FBLN1: variants seen among roughly 807,000 people sequenced by gnomAD.
FBLN1 encodes fibulin-1.
Under a neutral mutation model 89.7 loss-of-function variants are expected in FBLN1, and 34 were observed. The ratio of observed to expected loss-of-function variants is 0.38; its 90% CI spans 0.29 to 0.50. The LOEUF (loss-of-function observed/expected upper bound fraction) is 0.50, where lower values mean the gene tolerates loss of function less well. Ranked by LOEUF, FBLN1 falls within the 20% of genes least tolerant of loss-of-function variation. FBLN1 has a pLI of 0.92. For synonymous variants in FBLN1, 393 were observed against 391.3 expected, an observed-to-expected ratio of 1.00 and a Z score of -0.05; for missense variants, 777 against 988.1, an observed-to-expected ratio of 0.79 and a Z score of 2.86.
chr22:45,559,520 C>A (rs1405552868), intron 14 of FBLN1, among the ~76,000 whole-genome samples: 1 of 152,182 alleles, frequency 6.6e-6, no homozygotes, highest in Non-Finnish European at 1.5e-5. Flanking sequence ...AGTCAGGGAG[C>A]CAGTGTGGGG....
chr22:45,555,291 A>ATAT (rs1569254424), intron 14 of FBLN1, among the ~76,000 whole-genome samples: 1 of 144,152 alleles, frequency 6.9e-6, no homozygotes, highest in Admixed American at 7.0e-5. Flanking sequence ...ATATATATAT[A>ATAT]AAATGGAATA....
intron 2 of FBLN1, among the ~76,000 whole-genome samples, chr22:45,524,727 T>G (rs988124451): frequency 6.6e-6 from 1 of 151,788 alleles, no homozygotes; most frequent in Non-Finnish European, 1.5e-5. Flanking sequence ...GCGGCCACTC[T>G]GGTGACAAAA....
chr22:45,543,613 T>G (rs934631524), intron 11 of FBLN1, 87 bp downstream of exon 11: 57 of 1,493,048 alleles, frequency 3.8e-5, no homozygotes, highest in Non-Finnish European at 5.0e-5. Context: ...TTGCAGCAGA[T>G]CCGCGATGGT....
chr22:45,512,666 G>T (rs923816561), intron 1 of FBLN1, among the ~76,000 whole-genome samples: 3 of 152,210 alleles, frequency 2.0e-5, no homozygotes, highest in Non-Finnish European at 2.9e-5. Flanking sequence ...GCACAGCCAG[G>T]GTGGGGCTGG....
intron 16 of FBLN1, among the ~76,000 whole-genome samples, chr22:45,585,376 T>C (rs951635721): frequency 6.6e-6 from 1 of 152,186 alleles, no homozygotes; most frequent in African/African-American, 2.4e-5. Context: ...CTCGTTAAAA[T>C]TATTACCTCT....
At chr22:45,558,004 G>A (rs1232333901) in intron 14 of FBLN1, 4 of 712,068 alleles carry the variant, frequency 5.6e-6, no homozygotes, top group African/African-American at 3.5e-5. Flanking sequence ...GTCCACTTTC[G>A]GGTGGTGCCT....
chr22:45,503,082 C>A lies in FBLN1; in HGVS notation c.79+18C>A. ...GGCCGGAGGTAGGGGCGTCCCGGGT[C>A]CGCCGCCCCAGCTTAGGGTCCCGAC... On this transcript the variant is annotated intron_variant, in intron 1 of 16. Coordinates refer to ENST00000327858, the MANE Select transcript of FBLN1 (RefSeq NM_006486.3). The A allele has an allele frequency of 1.6e-6, 2 of 1,232,128 alleles. No homozygotes were observed. The highest frequency in any genetic ancestry group is 3.6e-5 in the South Asian group (1 of 27,534). The allele number at this position is 1,232,128 out of a possible 1,614,324, so 76.3% of individuals were successfully genotyped here.
At chr22:45,565,074 T>C in intron 14 of FBLN1, 1 of 1,595,428 alleles carries the variant, frequency 6.3e-7, no homozygotes, top group Non-Finnish European at 8.5e-7. Flanking sequence ...GCATGAGCCC[T>C]TTTCCCCACG....
chr22:45,566,487 C>T (rs1368290956), intron 14 of FBLN1, among the ~76,000 whole-genome samples: 2 of 152,332 alleles, frequency 1.3e-5, no homozygotes, highest in Admixed American at 6.5e-5. Flanking sequence ...TGACAGAGGA[C>T]ACCATGCAGG....
intron 2 of FBLN1, among the ~76,000 whole-genome samples, chr22:45,523,461 G>A (rs917549423): frequency 4.6e-5 from 7 of 152,196 alleles, no homozygotes; most frequent in African/African-American, 1.4e-4. Flanking sequence ...CCACCACTTC[G>A]GGAGGCTGAG....
intron 11 of FBLN1, among the ~76,000 whole-genome samples, chr22:45,544,224 T>C (rs985867075): frequency 6.6e-6 from 1 of 152,148 alleles, no homozygotes; most frequent in Non-Finnish European, 1.5e-5. Context: ...ATAGCTGGGA[T>C]TACAGGTGCA....
At position 45,580,927 on chromosome 22, in the gene FBLN1, C is replaced by A. The variant is rs2089036981; in HGVS notation, c.1972+3819C>A. On this transcript the variant is annotated intron_variant, in intron 16 of 16. Coordinates refer to ENST00000327858, the MANE Select transcript of FBLN1 (RefSeq NM_006486.3). This position sits in a 1 kb window ranked among gnomAD's most constrained non-coding sequence, Gnocchi z 8.6. ...GCCCGCGCCGTCGTCTTTGTAAAGC[C>A]CCCTTGCATTCCTCTTTAACCGGCT... Among the ~76,000 whole-genome samples, 1 of 152,230 alleles carries A rather than the reference C, an allele frequency of 6.6e-6. No homozygotes were observed. Among genetic ancestry groups the A allele is most frequent in the Non-Finnish European group, 1.5e-5 (1 of 68,038 alleles).
intron 14 of FBLN1, among the ~76,000 whole-genome samples, chr22:45,571,160 A>G (rs2088950868): frequency 6.6e-6 from 1 of 151,738 alleles, no homozygotes; most frequent in African/African-American, 2.4e-5. Flanking sequence ...GGAGGGAAAA[A>G]CAAACTATGA....
chr22:45,535,801 C>T (rs761512421), intron 8 of FBLN1, among the ~76,000 whole-genome samples: 4 of 152,194 alleles, frequency 2.6e-5, no homozygotes, highest in Non-Finnish European at 4.4e-5. Context: ...CAGGATTAGG[C>T]GAGTACTTGC....
chr22:45,584,657 T>G (rs1354530656), intron 16 of FBLN1, among the ~76,000 whole-genome samples: 2 of 152,112 alleles, frequency 1.3e-5, no homozygotes. Flanking sequence ...ATAAGAGTGG[T>G]CTAGTCTGGA....
chr22:45,555,255 A>T (rs529019480), intron 14 of FBLN1, among the ~76,000 whole-genome samples: 2,391 of 38,842 alleles, frequency 0.062, 36 homozygotes, highest in Non-Finnish European at 0.12. Flanking sequence ...ATACATATAT[A>T]TATATATATA....
rs6006773 is a variant in FBLN1 at position 45,537,817 on chromosome 22, G to A, written c.922+2480G>A. Reference sequence around the variant, plus strand: ...TTGCCAGCAGGGAGGGGTGGTTTTCGCTCAGCGCAGGGGGTGGTGAGCAGG... The same window carrying A: ...TTGCCAGCAGGGAGGGGTGGTTTTCACTCAGCGCAGGGGGTGGTGAGCAGG... On this transcript the variant is annotated intron_variant, in intron 8 of 16. Transcript: ENST00000327858. The surrounding 1 kb of genome is among the most constrained non-coding windows in gnomAD (Gnocchi z 5.7). 0.021 allele frequency among the ~76,000 whole-genome samples: 3,211 copies of A among 152,192 alleles called. 107 individuals are homozygous for A. Among genetic ancestry groups the A allele is most frequent in the African/African-American group, 0.074 (3,053 of 41,516 alleles).
intron 6 of FBLN1, 75 bp downstream of exon 6, chr22:45,533,239 C>G (rs2088433379): frequency 7.5e-7 from 1 of 1,341,942 alleles, no homozygotes; most frequent in East Asian, 2.3e-5. Flanking sequence ...GAGGACTGAC[C>G]AGGGCCTGCC....
At chr22:45,546,242 G>T (rs1203068598) in intron 11 of FBLN1, among the ~76,000 whole-genome samples, 1 of 152,050 alleles carries the variant, frequency 6.6e-6, no homozygotes, top group Non-Finnish European at 1.5e-5. Flanking sequence ...TTTTGAGACG[G>T]AGTCTCGCTC....
Sources: allele counts gnomAD v4.1 joint callset (sites outside exome capture counted in the v4.1 genomes callset), GRCh38; gene constraint gnomAD v4.1.1; non-coding constraint Gnocchi (gnomAD v3.1); transcripts MANE v1.5; gene names NCBI Gene and HGNC (gene_info 2026-07-23, HGNC 2026-07-21).